The following FSHR variants were observed in gnomAD, a reference collection of about 807,000 sequenced individuals.
FSHR encodes follicle-stimulating hormone receptor.
Under a neutral mutation model 52.1 loss-of-function variants are expected in FSHR, and 46 were observed. The ratio of observed to expected loss-of-function variants is 0.88; its 90% confidence interval spans 0.70 to 1.13. FSHR has a LOEUF of 1.13. Among genes scored for constraint, FSHR ranks in the 50% most tolerant of loss-of-function variants. The probability of loss-of-function intolerance (pLI) is 0.00; values close to 1 mark genes in which losing one functional copy is unlikely to be tolerated. For synonymous variants in FSHR, 399 were observed against 309.6 expected (o/e 1.29, Z -3.03); for missense variants, 964 against 834.6 (o/e 1.16, Z -1.91).
intron 1 of FSHR, among the ~76,000 whole-genome samples, chr2:49,138,339 A>G (rs1010950907): frequency 1.3e-5 from 2 of 152,186 alleles, no homozygotes; most frequent in African/African-American, 4.8e-5. Flanking sequence ...CGACTCAGCT[A>G]TTGCACTCCT....
chr2:48,963,078 G>T lies in FSHR; in HGVS notation c.1743C>A (p.Asp581Glu), dbSNP rs761625807. The change falls in exon 10 of 10, where the codon GAC becomes GAA. Residue 581 changes from aspartate to glutamate, a missense_variant. Coordinates refer to ENST00000406846, the MANE Select transcript of FSHR (RefSeq NM_000145.4). ...AAGAAATGGGTGCCATGCAGAGGAA[G>T]TCAGTGAAGATGAGCATGGCCATGC... ...AKRMAMLIFT[D>E]FLCMAPISFF... The T allele has an allele frequency of 6.2e-7, 1 of 1,614,100 alleles. No homozygotes were observed. Among genetic ancestry groups the T allele is most frequent in the Non-Finnish European group, 8.5e-7 (1 of 1,180,012 alleles).
intron 4 of FSHR, among the ~76,000 whole-genome samples, chr2:49,003,607 G>A (rs969431288): frequency 1.3e-5 from 2 of 148,840 alleles, no homozygotes; most frequent in Non-Finnish European, 3.0e-5. Context: ...TAGAAGAGAT[G>A]AACAAATAGA....
chr2:49,082,074 G>A (rs1018932858), intron 1 of FSHR, among the ~76,000 whole-genome samples: 16 of 152,288 alleles, frequency 1.1e-4, no homozygotes, highest in Non-Finnish European at 2.1e-4. Context: ...CAGCGTGAGC[G>A]ACACAGAAGA....
chr2:49,058,740 A>T (rs1200270357), intron 2 of FSHR, among the ~76,000 whole-genome samples: 2 of 152,204 alleles, frequency 1.3e-5, no homozygotes, highest in African/African-American at 4.8e-5. Context: ...GAATAAATTT[A>T]ACTCAAGTGG....
Position 48,963,162 on chromosome 2 carries a change from G to A in FSHR, c.1659C>T (p.Tyr553=). The change falls in exon 10 of 10, where the codon TAC becomes TAT. Residue 553 remains tyrosine, a synonymous_variant. Coordinates refer to ENST00000406846, the MANE Select transcript of FSHR (RefSeq NM_000145.4). ...VVICGCYIHI[Y]LTVRNPNIVS... ...CGATGTTGGGGTTCCGCACTGTGAG[G>A]TAGATGTGGATATAGCAGCCACAGA... 5 of 1,614,156 alleles carry A rather than the reference G, an allele frequency of 3.1e-6. No individual in the cohort carries two copies. The highest frequency in any genetic ancestry group is 2.2e-5 in the East Asian group (1 of 44,868).
At chr2:49,008,444 T>C (rs1417451022) in intron 4 of FSHR, among the ~76,000 whole-genome samples, 1 of 151,786 alleles carries the variant, frequency 6.6e-6, no homozygotes. Context: ...CATTTGGGTT[T>C]GTTCCAAGTC....
intron 1 of FSHR, among the ~76,000 whole-genome samples, chr2:49,143,372 C>A (rs1055711842): frequency 6.6e-6 from 1 of 152,192 alleles, no homozygotes; most frequent in African/African-American, 2.4e-5. Flanking sequence ...CATATGAATT[C>A]AGCACATTCC....
chr2:48,985,128 T>C (rs73928374), intron 6 of FSHR, among the ~76,000 whole-genome samples: 3 of 100,048 alleles, frequency 3.0e-5, no homozygotes, highest in Non-Finnish European at 6.7e-5. Flanking sequence ...ATGACGATGA[T>C]GACGATGACT....
At chr2:49,145,557 C>G (rs937426120) in intron 1 of FSHR, among the ~76,000 whole-genome samples, 4 of 152,080 alleles carry the variant, frequency 2.6e-5, no homozygotes, top group African/African-American at 9.7e-5. Context: ...CCTTCTAGCT[C>G]TCACAATCTA....
intron 2 of FSHR, among the ~76,000 whole-genome samples, chr2:49,036,187 T>C (rs1181325362): frequency 2.6e-5 from 4 of 152,194 alleles, no homozygotes; most frequent in African/African-American, 9.6e-5. Flanking sequence ...GACACTCCCA[T>C]TGGAAACATG....
intron 1 of FSHR, among the ~76,000 whole-genome samples, chr2:49,085,614 G>GTA (rs1377306303): frequency 6.6e-6 from 1 of 152,120 alleles, no homozygotes; most frequent in Non-Finnish European, 1.5e-5. Flanking sequence ...CCATTACTGG[G>GTA]TATATACCCA....
At chr2:49,033,749 T>G (rs1295073815) in intron 2 of FSHR, among the ~76,000 whole-genome samples, 2 of 152,094 alleles carry the variant, frequency 1.3e-5, no homozygotes, top group African/African-American at 2.4e-5. Context: ...TACCCCCAAG[T>G]GCCAGTGTCT....
At chr2:48,986,740 G>T (rs1465084822) in intron 6 of FSHR, among the ~76,000 whole-genome samples, 1 of 152,182 alleles carries the variant, frequency 6.6e-6, no homozygotes, top group Non-Finnish European at 1.5e-5. Flanking sequence ...CTTTGGGTTT[G>T]CAAAGCTATG....
At position 48,978,337 on chromosome 2, in the gene FSHR, C is replaced by T. The variant is rs576095713; in HGVS notation, c.668+4575G>A. Among the ~76,000 whole-genome samples, 13 of 152,336 alleles carry T rather than the reference C, an allele frequency of 8.5e-5. No homozygotes were observed. The South Asian group carries it at 2.7e-3, about 32-fold the overall frequency. ...GAGCACATTTCTGGTGTATACTACA[C>T]TGACAGATGGCTAGAAGACCTCTCT... On this transcript the variant is annotated intron_variant, in intron 8 of 9. Coordinates refer to ENST00000406846, the MANE Select transcript of FSHR (RefSeq NM_000145.4).
chr2:49,014,040 C>A (rs751270715), intron 4 of FSHR, among the ~76,000 whole-genome samples: 9 of 152,038 alleles, frequency 5.9e-5, no homozygotes, highest in African/African-American at 1.9e-4. Flanking sequence ...GGGCCCTTAC[C>A]AAGAACTGGC....
chr2:49,141,813 G>C (rs71407553), intron 1 of FSHR, among the ~76,000 whole-genome samples: 3,759 of 152,202 alleles, frequency 0.025, 57 homozygotes, highest in South Asian at 0.044. Context: ...AGTAAAAAGA[G>C]GCCCACTGTG....
intron 2 of FSHR, among the ~76,000 whole-genome samples, chr2:49,054,485 C>T (rs755415767): frequency 2.0e-5 from 3 of 152,142 alleles, no homozygotes; most frequent in Non-Finnish European, 4.4e-5. Flanking sequence ...AGCAGACATA[C>T]CCCCAGGCCA....
chr2:48,970,179 A>C (rs1373023564), intron 8 of FSHR, among the ~76,000 whole-genome samples: 1 of 152,208 alleles, frequency 6.6e-6, no homozygotes, highest in Non-Finnish European at 1.5e-5. Context: ...CTTTCATTGT[A>C]TAATTATCTT....
chr2:49,025,691 C>T (rs1667891378), intron 2 of FSHR, among the ~76,000 whole-genome samples: 1 of 152,120 alleles, frequency 6.6e-6, no homozygotes, highest in Non-Finnish European at 1.5e-5. Context: ...AACCACTGTG[C>T]TGAGGGAAAA....
Sources: gnomAD v4.1 joint callset for allele counts (sites outside exome capture counted in the v4.1 genomes callset) on GRCh38, gnomAD v4.1.1 for gene constraint, MANE v1.5 for transcripts, NCBI Gene and HGNC (gene_info 2026-07-23, HGNC 2026-07-21) for gene names.